LUZP2: variants seen among roughly 807,000 people sequenced by gnomAD.
The protein encoded by LUZP2 is leucine zipper protein 2.
Under a neutral mutation model 51.6 loss-of-function variants are expected in LUZP2, and 52 were observed. The observed-to-expected ratio is 1.01, with a 90% CI of 0.81 to 1.27. The LOEUF (loss-of-function observed/expected upper bound fraction) is 1.27. Ranked by LOEUF, LUZP2 falls within the 50% of genes most tolerant of loss-of-function variation. The pLI, the probability that LUZP2 is intolerant of heterozygous loss-of-function variation, is 0.00. For synonymous variants in LUZP2, 154 were observed against 137.3 expected (o/e 1.12, Z -0.85); for missense variants, 436 against 395.4 (o/e 1.10, Z -0.87).
chr11:24,906,276 C>T (rs11028266), intron 6 of LUZP2, among the ~76,000 whole-genome samples: 9,372 of 151,344 alleles, frequency 0.062, 935 homozygotes, highest in African/African-American at 0.21. Flanking sequence ...GTAATGATCA[C>T]CTTTGTAGAT....
chr11:24,624,901 G>T (rs1404775171), intron 1 of LUZP2, among the ~76,000 whole-genome samples: 1 of 152,020 alleles, frequency 6.6e-6, no homozygotes, highest in Non-Finnish European at 1.5e-5. Flanking sequence ...TAAGATGATA[G>T]ACCATAGTAA....
intron 1 of LUZP2, among the ~76,000 whole-genome samples, chr11:24,700,226 A>C (rs962362201): frequency 8.6e-5 from 13 of 151,676 alleles, no homozygotes; most frequent in Admixed American, 8.5e-4. Context: ...CATTCCTGGC[A>C]GATTATTTTG....
chr11:24,890,222 A>G (rs1204932549), intron 5 of LUZP2, among the ~76,000 whole-genome samples: 9 of 152,156 alleles, frequency 5.9e-5, no homozygotes, highest in Admixed American at 2.6e-4. Context: ...GAAAAGATAC[A>G]GAGTCTCAAA....
At chr11:25,074,105 T>A (rs1029305477) in intron 10 of LUZP2, among the ~76,000 whole-genome samples, 4 of 152,166 alleles carry the variant, frequency 2.6e-5, no homozygotes, top group Non-Finnish European at 1.5e-5. Context: ...ATGGGTCAAA[T>A]TTGTCTTGCC....
intron 9 of LUZP2, among the ~76,000 whole-genome samples, chr11:25,027,980 G>T (rs896198746): frequency 1.3e-5 from 2 of 151,922 alleles, no homozygotes; most frequent in Non-Finnish European, 2.9e-5. Flanking sequence ...ACTAGTATTT[G>T]ATATAATATA....
intron 5 of LUZP2, among the ~76,000 whole-genome samples, chr11:24,774,366 A>C (rs186006266): frequency 0.46 from 23,444 of 50,780 alleles, 3,409 homozygotes; most frequent in Middle Eastern, 0.55. Context: ...CTCTCTCTAT[A>C]TATATATATA....
chr11:25,005,995 A>G (rs1856824459), intron 9 of LUZP2, among the ~76,000 whole-genome samples: 1 of 152,130 alleles, frequency 6.6e-6, no homozygotes, highest in East Asian at 1.9e-4. Flanking sequence ...GAGTTGGAAG[A>G]TTGATGCCTT....
intron 1 of LUZP2, among the ~76,000 whole-genome samples, chr11:24,602,508 T>A (rs1324313956): frequency 6.6e-6 from 1 of 150,808 alleles, no homozygotes; most frequent in Non-Finnish European, 1.5e-5. Flanking sequence ...TCTGAATAAA[T>A]TAAAATGCTA....
intron 1 of LUZP2, among the ~76,000 whole-genome samples, chr11:24,610,145 C>T (rs988539685): frequency 3.3e-5 from 5 of 152,160 alleles, no homozygotes; most frequent in South Asian, 2.1e-4. Flanking sequence ...GAATGGCGTT[C>T]GAAGAGGAAC....
intron 5 of LUZP2, among the ~76,000 whole-genome samples, chr11:24,778,878 G>C (rs1849014551): frequency 6.6e-6 from 1 of 152,114 alleles, no homozygotes; most frequent in African/African-American, 2.4e-5. Context: ...TTAGTCTGTA[G>C]AGACAATAGC....
intron 1 of LUZP2, among the ~76,000 whole-genome samples, chr11:24,522,137 G>A (rs1850660488): frequency 6.6e-6 from 1 of 152,122 alleles, no homozygotes; most frequent in East Asian, 1.9e-4. Context: ...TGCTATGGTA[G>A]AAAGATATAG....
At chr11:25,030,899 A>ATATAATATATATTGTATTATATG (rs1857631048) in intron 9 of LUZP2, among the ~76,000 whole-genome samples, 3 of 50,572 alleles carry the variant, frequency 5.9e-5, no homozygotes, top group Non-Finnish European at 9.9e-5. Context: ...TATTATATAT[A>ATATAATATATATTGTATTATATG]TATATAATAT....
At chr11:25,033,163 A>G (rs1164562438) in intron 9 of LUZP2, among the ~76,000 whole-genome samples, 1 of 152,196 alleles carries the variant, frequency 6.6e-6, no homozygotes, top group Non-Finnish European at 1.5e-5. Flanking sequence ...CTAAGGACAA[A>G]TGGTGCATGT....
At chr11:25,037,235 A>G (rs1392340619) in intron 9 of LUZP2, among the ~76,000 whole-genome samples, 2 of 151,958 alleles carry the variant, frequency 1.3e-5, no homozygotes, top group Non-Finnish European at 2.9e-5. Context: ...TTAATTATTA[A>G]TTGGTTTAAA....
chr11:24,528,011 C>T (rs1850868980), intron 1 of LUZP2, among the ~76,000 whole-genome samples: 1 of 151,200 alleles, frequency 6.6e-6, no homozygotes, highest in Non-Finnish European at 1.5e-5. Context: ...GGTAAGATGT[C>T]TTTGCAGAGG....
At chr11:24,693,371 A>G (rs1157738612) in intron 1 of LUZP2, among the ~76,000 whole-genome samples, 1 of 151,660 alleles carries the variant, frequency 6.6e-6, no homozygotes, top group Non-Finnish European at 1.5e-5. Context: ...ACCTTCATAA[A>G]TGATAGGATA....
At chr11:24,621,998 AG>A (rs1854512404) in intron 1 of LUZP2, among the ~76,000 whole-genome samples, 1 of 151,724 alleles carries the variant, frequency 6.6e-6, no homozygotes, top group East Asian at 1.9e-4. Flanking sequence ...TGTCACCCAG[AG>A]GCACAGTCTC....
intron 1 of LUZP2, among the ~76,000 whole-genome samples, chr11:24,513,012 C>T (rs978294001): frequency 6.6e-6 from 1 of 152,196 alleles, no homozygotes; most frequent in Non-Finnish European, 1.5e-5. Context: ...CCCGCCTCGG[C>T]CTCCCAAAGT....
At chr11:25,034,911 C>T (rs989661106) in intron 9 of LUZP2, among the ~76,000 whole-genome samples, 1 of 151,846 alleles carries the variant, frequency 6.6e-6, no homozygotes, top group Non-Finnish European at 1.5e-5. Context: ...GGGCTCACTA[C>T]ATAAACAGAA....
Sources: allele counts gnomAD v4.1 joint callset (sites outside exome capture counted in the v4.1 genomes callset), GRCh38; gene constraint gnomAD v4.1.1; transcripts MANE v1.5; gene names NCBI Gene and HGNC (gene_info 2026-07-23, HGNC 2026-07-21).